The following CEP68 variants were observed in gnomAD, a reference collection of about 807,000 sequenced individuals.
The protein encoded by CEP68 is centrosomal protein 68, also known as centrosomal protein of 68 kDa.
CEP68 carries 26 observed loss-of-function variants against 55.3 expected under a neutral mutation model. The observed-to-expected ratio is 0.47, with a 90% CI of 0.34 to 0.65. The LOEUF is 0.65. Ranked by LOEUF, CEP68 falls within the 30% of genes least tolerant of loss-of-function variation. The pLI, the probability that CEP68 is intolerant of heterozygous loss-of-function variation, is 0.01. For missense variants in CEP68, 957 were observed against 946.7 expected, an observed-to-expected ratio of 1.01 and a Z score of -0.14; for synonymous variants, 402 against 383.2, an observed-to-expected ratio of 1.05 and a Z score of -0.57.
At chr2:65,061,609 CCA>C (rs1207343197) in intron 1 of CEP68, among the ~76,000 whole-genome samples, 2 of 152,214 alleles carry the variant, frequency 1.3e-5, no homozygotes, top group Non-Finnish European at 2.9e-5. Context: ...GTGACCTATC[CCA>C]CAGTGAAAGA....
chr2:65,076,592 C>T (rs958173881), intron 4 of CEP68, among the ~76,000 whole-genome samples: 8 of 152,136 alleles, frequency 5.3e-5, no homozygotes, highest in African/African-American at 1.9e-4. Flanking sequence ...TGTCTGTGTT[C>T]ACATATTTTA....
chr2:65,072,445 CAG>C lies in CEP68; in HGVS notation c.1354_1355del (p.Arg452GlyfsTer17), dbSNP rs1474802747. On this transcript the variant is annotated frameshift_variant, in exon 3 of 7. Transcript: ENST00000377990. LOFTEE classifies it high-confidence loss of function. Reference sequence around the variant, plus strand: ...GACAGAGGGTGGCCCTCGCCCAGGCCAGAGAGGGAGAAGAGGACCAGCCAGAG... The same window carrying C: ...GACAGAGGGTGGCCCTCGCCCAGGCCAGAGGGAGAAGAGGACCAGCCAGAG... 5 of 1,614,072 alleles carry C rather than the reference CAG, an allele frequency of 3.1e-6. No homozygotes were observed. Among genetic ancestry groups the C allele is most frequent in the Non-Finnish European group, 4.2e-6 (5 of 1,180,016 alleles).
chr2:65,066,745 AAT>A lies in CEP68; in HGVS notation c.-46-2632_-46-2631del, dbSNP rs1553384179. ...CTGTCTCAAAAAAAAAAAAAAAAAA[AAT>A]ATATATATATATATATATATACACA... On this transcript the variant is annotated intron_variant, in intron 1 of 6. Transcript: ENST00000377990. Among the ~76,000 whole-genome samples, 219 of 58,408 alleles carry A rather than the reference AAT, an allele frequency of 3.7e-3. 8 individuals carry two copies. Among genetic ancestry groups the A allele is most frequent in the Middle Eastern group, 0.017 (1 of 60 alleles). 38.3% of individuals were successfully genotyped at this position (58,408 alleles called of 152,430 possible). A position where few individuals can be genotyped will look rare whatever the true frequency, so the allele number is the denominator to read the frequency against.
intron 5 of CEP68, among the ~76,000 whole-genome samples, chr2:65,080,887 C>G (rs188799079): frequency 1.9e-4 from 29 of 152,096 alleles, no homozygotes; most frequent in African/African-American, 6.3e-4. Context: ...TGTGACATCG[C>G]ACAAGAAGAC....
rs781733775 is a variant in CEP68, at chr2:65,071,861, T to C, written c.765T>C (p.Ser255=). ...AGTGGTCACCACAGCCTGTGTTCTC[T>C]GGGGGTGATGCTTCTGGGCTAGGCA... ...RPQWSPQPVF[S]GGDASGLGRR... The change falls in exon 3 of 7, where the codon TCT becomes TCC. Residue 255 remains serine (S), a synonymous_variant. Coordinates refer to ENST00000377990, the MANE Select transcript of CEP68 (RefSeq NM_015147.3). 3 of 1,608,138 alleles carry C rather than the reference T, an allele frequency of 1.9e-6. No individual in the cohort carries two copies. The highest frequency in any genetic ancestry group is 1.1e-5 in the South Asian group (1 of 90,222).
rs779601426 is a variant in CEP68, at chr2:65,072,498, T to C, written c.1402T>C (p.Ser468Pro). Residue 468 changes from serine (S) to proline (P), a missense_variant, in exon 3 of 7, where the codon TCT becomes CCT. By Grantham distance (74) the Ser-to-Pro change is moderately conservative. Coordinates refer to ENST00000377990, the MANE Select transcript of CEP68 (RefSeq NM_015147.3). ...QSARRPTCTE[S>P]RWKSEEEVES... ...TGCCCGGCGCCCTACCTGCACAGAG[T>C]CTAGGTGGAAATCAGAAGAGGAAGT... 6.2e-7 allele frequency: 1 copy of C among 1,613,090 alleles called. No homozygotes were observed. Among genetic ancestry groups the C allele is most frequent in the Non-Finnish European group, 8.5e-7 (1 of 1,179,826 alleles).
At chr2:65,080,364 AGAC>A in intron 5 of CEP68, 2 of 985,108 alleles carry the variant, frequency 2.0e-6, no homozygotes, top group Non-Finnish European at 2.4e-6. Flanking sequence ...TTCCCCCTTG[AGAC>A]GTCAGTGTCT....
chr2:65,061,114 T>G (rs1434551205), intron 1 of CEP68, among the ~76,000 whole-genome samples: 1 of 151,362 alleles, frequency 6.6e-6, no homozygotes, highest in South Asian at 2.1e-4. Flanking sequence ...GAGGTGGAGG[T>G]TGCAGTGAGA....
At chr2:65,083,123 C>T (rs1042741877) in intron 6 of CEP68, among the ~76,000 whole-genome samples, 1 of 152,168 alleles carries the variant, frequency 6.6e-6, no homozygotes, top group Non-Finnish European at 1.5e-5. Context: ...TACTCCATCT[C>T]CAAGCATCTC....
Position 65,069,616 on chromosome 2 carries a change from G to T in CEP68, c.172G>T (p.Ala58Ser), listed in dbSNP as rs1676362106. ...EGGLISPVWG[A>S]EGIPAPTCWI... ...AGGGCTCATCTCCCCTGTATGGGGG[G>T]CAGAAGGGATACCTGCCCCTACTTG... Residue 58 changes from alanine to serine, a missense_variant, in exon 2 of 7, where the codon GCA becomes TCA. By Grantham distance (99) the Ala-to-Ser change is moderately conservative. Transcript: ENST00000377990. 2 of 1,614,100 alleles carry T rather than the reference G, an allele frequency of 1.2e-6. No individual in the cohort carries two copies. The highest frequency in any genetic ancestry group is 1.7e-6 in the Non-Finnish European group (2 of 1,180,022).
intron 6 of CEP68, 30 bp downstream of exon 6, chr2:65,082,739 GC>G: frequency 6.6e-7 from 1 of 1,511,704 alleles, no homozygotes; most frequent in Non-Finnish European, 8.8e-7. Context: ...AAGAAAATTT[GC>G]CCACCAACCC....
chr2:65,075,656 G>A (rs1011565025), intron 4 of CEP68, among the ~76,000 whole-genome samples: 1 of 152,138 alleles, frequency 6.6e-6, no homozygotes, highest in Non-Finnish European at 1.5e-5. Flanking sequence ...TCATCCCTAA[G>A]TCTAACGTTA....
chr2:65,074,090 C>G lies in CEP68; in HGVS notation c.1885-192C>G, dbSNP rs543326182. On this transcript the variant is annotated intron_variant, in intron 3 of 6. Coordinates refer to ENST00000377990, the MANE Select transcript of CEP68 (RefSeq NM_015147.3). ...TCAGCCTGTCATTTTTGATGTCACA[C>G]CAGGCTGTGGTTTTCATTGCTTTGG... The G allele has an allele frequency of 6.7e-5, 39 of 580,264 alleles. No homozygotes were observed. The East Asian group carries it at 1.3e-3, about 19-fold the overall frequency. The allele number at this position is 580,264 out of a possible 1,614,324, so 35.9% of individuals were successfully genotyped here.
chr2:65,061,096 G>C (rs898519827), intron 1 of CEP68, among the ~76,000 whole-genome samples: 4 of 152,098 alleles, frequency 2.6e-5, no homozygotes, highest in Non-Finnish European at 5.9e-5. Context: ...AGAATTGCTT[G>C]AACCTGGGAG....
At position 65,072,350 on chromosome 2, in the gene CEP68, G is replaced by A. The variant is rs752630437; in HGVS notation, c.1254G>A (p.Leu418=). ...GTTGGGAGCGCAGAGAGCCAGCCCT[G>A]AGGGGTGCGAAGGACCGGCTGACTA... ...DARWERREPA[L]RGAKDRLTIG... Residue 418 remains leucine, a synonymous_variant, in exon 3 of 7, where the codon CTG becomes CTA. Coordinates refer to ENST00000377990, the MANE Select transcript of CEP68 (RefSeq NM_015147.3). The A allele has an allele frequency of 6.2e-7, 1 of 1,613,970 alleles. No homozygotes were observed. The highest frequency in any genetic ancestry group is 2.2e-5 in the East Asian group (1 of 44,862).
intron 1 of CEP68, among the ~76,000 whole-genome samples, chr2:65,061,909 C>G (rs1475060777): frequency 1.3e-5 from 2 of 152,246 alleles, no homozygotes; most frequent in East Asian, 3.8e-4. Flanking sequence ...CAGAGTTCTT[C>G]CAGCAAGCTC....
intron 4 of CEP68, chr2:65,074,737 C>A (rs959311389): frequency 8.4e-5 from 29 of 344,974 alleles, no homozygotes; most frequent in African/African-American, 5.6e-4. Flanking sequence ...CCCAGGAGTT[C>A]GAGTACAGCC....
At chr2:65,076,061 TCACTTTGAGGAACTCCA>T (rs1207133421) in intron 4 of CEP68, among the ~76,000 whole-genome samples, 2 of 151,222 alleles carry the variant, frequency 1.3e-5, no homozygotes, top group African/African-American at 4.8e-5. Flanking sequence ...TTTGAGTTCC[TCACTTTGAGGAACTCCA>T]CAATGAGTTC....
At chr2:65,075,558 C>T (rs1676722204) in intron 4 of CEP68, among the ~76,000 whole-genome samples, 1 of 152,160 alleles carries the variant, frequency 6.6e-6, no homozygotes, top group South Asian at 2.1e-4. Flanking sequence ...ATGACTGCGT[C>T]CCAGTTTGTG....
Sources: gnomAD v4.1 joint callset for allele counts (sites outside exome capture counted in the v4.1 genomes callset) on GRCh38, gnomAD v4.1.1 for gene constraint, MANE v1.5 for transcripts, NCBI Gene and HGNC (gene_info 2026-07-23, HGNC 2026-07-21) for gene names.